Variants in ZNF804B observed in about 807,000 individuals in gnomAD.
The protein encoded by ZNF804B is zinc finger 804B.
Under a neutral mutation model 101.4 loss-of-function variants are expected in ZNF804B, and 80 were observed. The ratio of observed to expected loss-of-function variants is 0.79; its 90% CI spans 0.66 to 0.95. The LOEUF (loss-of-function observed/expected upper bound fraction) is 0.95, where lower values mean the gene tolerates loss of function less well. Ranked by LOEUF, ZNF804B falls within the 40% of genes least tolerant of loss-of-function variation. The pLI is 0.00. For synonymous variants in ZNF804B, 622 were observed against 558.8 expected (o/e 1.11, Z -1.59); for missense variants, 1,673 against 1,561.9 (o/e 1.07, Z -1.20).
chr7:88,783,858 G>A (rs572364357), intron 1 of ZNF804B, among the ~76,000 whole-genome samples: 8 of 152,154 alleles, frequency 5.3e-5, no homozygotes, highest in African/African-American at 1.7e-4. Context: ...GGGTCATTTT[G>A]GTTGAAATGC....
chr7:89,225,693 A>T (rs1208092370), intron 2 of ZNF804B, among the ~76,000 whole-genome samples: 1 of 152,162 alleles, frequency 6.6e-6, no homozygotes, highest in East Asian at 1.9e-4. Context: ...ATTTATGATT[A>T]TTGAACAAAA....
At chr7:88,768,649 C>G (rs1314031397) in intron 1 of ZNF804B, among the ~76,000 whole-genome samples, 1 of 152,176 alleles carries the variant, frequency 6.6e-6, no homozygotes, top group Non-Finnish European at 1.5e-5. Flanking sequence ...AACTGGGAGG[C>G]AGAAGTTGCC....
At chr7:88,828,095 C>G (rs148040414) in intron 1 of ZNF804B, among the ~76,000 whole-genome samples, 62 of 152,132 alleles carry the variant, frequency 4.1e-4, no homozygotes, top group African/African-American at 1.4e-3. Flanking sequence ...GTAGAAAATG[C>G]CAAAGTCCTT....
intron 2 of ZNF804B, among the ~76,000 whole-genome samples, chr7:89,306,477 A>G (rs912334160): frequency 7.1e-6 from 1 of 140,256 alleles, no homozygotes; most frequent in Non-Finnish European, 1.6e-5. Flanking sequence ...AAACATTGTC[A>G]TCTCAACTGA....
chr7:88,984,145 G>C (rs192587740), intron 1 of ZNF804B, among the ~76,000 whole-genome samples: 16 of 152,130 alleles, frequency 1.1e-4, no homozygotes, highest in Middle Eastern at 3.4e-3. Flanking sequence ...TAACCATGCA[G>C]CCTTCACTCT....
At chr7:89,021,799 C>T (rs1020280152) in intron 1 of ZNF804B, among the ~76,000 whole-genome samples, 1 of 152,118 alleles carries the variant, frequency 6.6e-6, no homozygotes, top group African/African-American at 2.4e-5. Flanking sequence ...TGGCTACTGG[C>T]TCCCAGAGCA....
At chr7:88,785,189 C>G (rs1790282740) in intron 1 of ZNF804B, among the ~76,000 whole-genome samples, 1 of 152,084 alleles carries the variant, frequency 6.6e-6, no homozygotes, top group South Asian at 2.1e-4. Context: ...CATCTCACTC[C>G]CTGTGAAACC....
chr7:89,312,239 C>T (rs144146829), intron 2 of ZNF804B, among the ~76,000 whole-genome samples: 125 of 152,278 alleles, frequency 8.2e-4, no homozygotes, highest in African/African-American at 2.9e-3. Context: ...TAACATTAAA[C>T]CAACAGCGGT....
At chr7:89,138,656 C>A (rs953947486) in intron 1 of ZNF804B, among the ~76,000 whole-genome samples, 5 of 151,974 alleles carry the variant, frequency 3.3e-5, no homozygotes, top group Non-Finnish European at 7.4e-5. Context: ...GTGCCCCCAC[C>A]CAAATCTCAT....
chr7:89,148,932 A>G (rs1388574260), intron 1 of ZNF804B, among the ~76,000 whole-genome samples: 1 of 152,074 alleles, frequency 6.6e-6, no homozygotes, highest in Non-Finnish European at 1.5e-5. Context: ...ATAAACAATC[A>G]GGTCCACAGC....
At chr7:89,082,071 T>C (rs1170537073) in intron 1 of ZNF804B, among the ~76,000 whole-genome samples, 1 of 151,758 alleles carries the variant, frequency 6.6e-6, no homozygotes, top group African/African-American at 2.4e-5. Context: ...GTTATATCAA[T>C]AGTTTAAGAA....
At chr7:88,878,722 A>G (rs1172222022) in intron 1 of ZNF804B, among the ~76,000 whole-genome samples, 5 of 152,220 alleles carry the variant, frequency 3.3e-5, no homozygotes, top group East Asian at 3.8e-4. Context: ...GCTGCTTTTA[A>G]CTAATACAAA....
At chr7:89,136,922 T>C (rs1790646179) in intron 1 of ZNF804B, among the ~76,000 whole-genome samples, 1 of 152,070 alleles carries the variant, frequency 6.6e-6, no homozygotes, top group African/African-American at 2.4e-5. Context: ...TGAGACATGA[T>C]GGCTTTGTGA....
intron 2 of ZNF804B, among the ~76,000 whole-genome samples, chr7:89,268,842 TA>T (rs1303153087): frequency 6.6e-6 from 1 of 152,064 alleles, no homozygotes; most frequent in Non-Finnish European, 1.5e-5. Flanking sequence ...AAACACTTAG[TA>T]AATTTTTAAT....
In ZNF804B at chr7:89,336,431, T is replaced by A. The variant is rs1404657232; in HGVS notation, c.3449T>A (p.Phe1150Tyr). 1 of 1,614,098 alleles carries A rather than the reference T, an allele frequency of 6.2e-7. No individual in the cohort carries two copies. The highest frequency in any genetic ancestry group is 1.7e-5 in the Admixed American group (1 of 59,994). Residue 1150 changes from phenylalanine to tyrosine, a missense_variant, in exon 4 of 4, where the codon TTT becomes TAT. Phe to Tyr is a conservative substitution (Grantham distance 22, BLOSUM62 3). Coordinates refer to ENST00000333190, the MANE Select transcript of ZNF804B (RefSeq NM_181646.5). ...SPPLIQQPIT[F>Y]SPDEIDKYKI... ...CCTTTAATTCAACAGCCCATAACAT[T>A]TTCTCCTGACGAAATAGATAAATAT... is the stretch of plus-strand genomic sequence containing the variant.
intron 1 of ZNF804B, among the ~76,000 whole-genome samples, chr7:89,139,115 A>C (rs944719887): frequency 1.3e-5 from 2 of 152,172 alleles, no homozygotes; most frequent in African/African-American, 2.4e-5. Context: ...TGAGTCAAGG[A>C]ATTTTTTTTT....
At chr7:89,145,016 G>A (rs541966620) in intron 1 of ZNF804B, among the ~76,000 whole-genome samples, 2 of 151,892 alleles carry the variant, frequency 1.3e-5, no homozygotes, top group South Asian at 4.2e-4. Context: ...TGAGATGGGA[G>A]GATTGCTTAA....
At chr7:89,279,729 T>C (rs1790050615) in intron 2 of ZNF804B, among the ~76,000 whole-genome samples, 1 of 152,112 alleles carries the variant, frequency 6.6e-6, no homozygotes, top group Non-Finnish European at 1.5e-5. Context: ...GTAAGCTTTT[T>C]GATGTGCTGC....
chr7:88,820,132 A>G (rs529841980), intron 1 of ZNF804B, among the ~76,000 whole-genome samples: 1 of 152,340 alleles, frequency 6.6e-6, no homozygotes, highest in East Asian at 1.9e-4. Flanking sequence ...AATGTTTTAA[A>G]TTACAAAGCA....
Sources: gnomAD v4.1 joint callset for allele counts (sites outside exome capture counted in the v4.1 genomes callset) on GRCh38, gnomAD v4.1.1 for gene constraint, MANE v1.5 for transcripts, NCBI Gene and HGNC (gene_info 2026-07-23, HGNC 2026-07-21) for gene names.